CHRDL2: variants seen among roughly 807,000 people sequenced by gnomAD.
The protein encoded by CHRDL2 is chordin like 2.
In CHRDL2, 41 loss-of-function variants were observed where a neutral mutation model predicts 54.3. The ratio of observed to expected loss-of-function variants is 0.76; its 90% CI spans 0.59 to 0.98. The LOEUF is 0.98. Ranked by LOEUF, CHRDL2 falls within the 50% of genes least tolerant of loss-of-function variation. The pLI is 0.00. For synonymous variants in CHRDL2, 220 were observed against 224.3 expected (o/e 0.98, Z 0.17); for missense variants, 518 against 562.4 (o/e 0.92, Z 0.80).
chr11:74,700,347 T>G (rs2033758464), intron 9 of CHRDL2, among the ~76,000 whole-genome samples: 1 of 152,226 alleles, frequency 6.6e-6, no homozygotes, highest in African/African-American at 2.4e-5. Flanking sequence ...GTACCCTTTT[T>G]GCCTCTTTAT....
intron 1 of CHRDL2, among the ~76,000 whole-genome samples, chr11:74,722,969 T>TG (rs757750311): frequency 5.9e-5 from 9 of 152,074 alleles, no homozygotes; most frequent in Non-Finnish European, 1.2e-4. Context: ...AGCTTTAAAC[T>TG]GGGGAGTTCC....
chr11:74,722,501 T>C (rs1012402745), intron 1 of CHRDL2, among the ~76,000 whole-genome samples: 2 of 152,152 alleles, frequency 1.3e-5, no homozygotes, highest in African/African-American at 2.4e-5. Context: ...AGATAATATA[T>C]GTAATATGCC....
rs578128207 is a variant in CHRDL2, at chr11:74,730,755, A to G, written c.82+52T>C. 5.7e-5 allele frequency: 87 copies of G among 1,520,790 alleles called. No homozygotes were observed. In the South Asian group the frequency reaches 1.0e-3, roughly 17 times the overall value. The allele number at this position is 1,520,790 out of a possible 1,614,324, so 94.2% of individuals were successfully genotyped here. A position where few individuals can be genotyped will look rare whatever the true frequency, so the allele number is the denominator to read the frequency against. Reference sequence around the variant, plus strand: ...TCCAGGTCCTGGCGCTGTCCCTCACATTCCAGGGGCCGCATCCCTCCTCTG... The same window carrying G: ...TCCAGGTCCTGGCGCTGTCCCTCACGTTCCAGGGGCCGCATCCCTCCTCTG... On this transcript the variant is annotated intron_variant, in intron 1 of 10. Transcript: ENST00000376332.
intron 1 of CHRDL2, among the ~76,000 whole-genome samples, chr11:74,729,304 G>C (rs2034617296): frequency 6.6e-6 from 1 of 152,240 alleles, no homozygotes; most frequent in African/African-American, 2.4e-5. Flanking sequence ...AAGCGGAAGA[G>C]ACATTTATTA....
In CHRDL2 at chr11:74,718,847, A is replaced by T. The variant is rs927076168; in HGVS notation, c.83-15T>A. 4.5e-6 allele frequency: 7 copies of T among 1,546,092 alleles called. No individual in the cohort carries two copies. Among genetic ancestry groups the T allele is most frequent in the Non-Finnish European group, 6.2e-6 (7 of 1,124,730 alleles). On this transcript the variant is annotated splice_polypyrimidine_tract_variant and intron_variant, in intron 1 of 10. Coordinates refer to ENST00000376332, the MANE Select transcript of CHRDL2 (RefSeq NM_001278473.3). ...CATGTCTGGGCCTGGCAAACCGACC[A>T]GTGCCATGTTAGTCCCAGGAGGCTC...
At chr11:74,712,236 G>A (rs2034214889) in intron 3 of CHRDL2, among the ~76,000 whole-genome samples, 1 of 152,168 alleles carries the variant, frequency 6.6e-6, no homozygotes, top group Non-Finnish European at 1.5e-5. Flanking sequence ...TGTGACAGCA[G>A]AGAGGAGGAG....
intron 5 of CHRDL2, among the ~76,000 whole-genome samples, chr11:74,707,830 G>A (rs1472229030): frequency 6.6e-6 from 1 of 151,822 alleles, no homozygotes; most frequent in Non-Finnish European, 1.5e-5. Context: ...CTGCTCCCAG[G>A]GCTACTTAGC....
At chr11:74,698,184 C>G (rs2033667610) in intron 9 of CHRDL2, 1 of 151,868 alleles carries the variant, frequency 6.6e-6, no homozygotes, top group Non-Finnish European at 1.5e-5. Context: ...CTGCCTCAGC[C>G]TCCTGAGTAG....
At chr11:74,704,836 G>T in intron 6 of CHRDL2, 182 bp from the exon 7 acceptor site, 1 of 629,604 alleles carries the variant, frequency 1.6e-6, no homozygotes. Flanking sequence ...TTTTCAGACA[G>T]TTCGATCTTT....
At position 74,706,603 on chromosome 11, in the gene CHRDL2, C is replaced by CA. The variant is rs987996549; in HGVS notation, c.527-62_527-61insT. The CA allele has an allele frequency of 6.3e-5, 96 of 1,514,718 alleles. No individual in the cohort carries two copies. In the Admixed American group the frequency reaches 1.2e-3, roughly 20 times the overall value. The allele number at this position is 1,514,718 out of a possible 1,614,324, so 93.8% of individuals were successfully genotyped here. A position where few individuals can be genotyped will look rare whatever the true frequency, so the allele number is the denominator to read the frequency against. On this transcript the variant is annotated intron_variant, in intron 5 of 10. Transcript: ENST00000376332. ...CTCCCCAGCCTTGCTGGCTAGAGCC[C>CA]TGAGGCCTCCACCTATAGGCTCTGT... is the stretch of plus-strand genomic sequence containing the variant.
At chr11:74,696,948 G>C (rs1350433684) in intron 10 of CHRDL2, among the ~76,000 whole-genome samples, 1 of 152,164 alleles carries the variant, frequency 6.6e-6, no homozygotes, top group Admixed American at 6.5e-5. Flanking sequence ...AGGTTTGGGG[G>C]CTCAGACCTC....
chr11:74,698,785 G>C (rs1003530505), intron 9 of CHRDL2: 5 of 152,248 alleles, frequency 3.3e-5, no homozygotes, highest in Admixed American at 6.6e-5. Flanking sequence ...ATCCCCTGAT[G>C]TTTGCATCTC....
chr11:74,719,087 G>C, intron 1 of CHRDL2: 1 of 445,782 alleles, frequency 2.2e-6, no homozygotes, highest in Non-Finnish European at 4.0e-6. Context: ...ATCTCACAGG[G>C]CAGTTAGGGA....
At chr11:74,728,098 G>A (rs2034598640) in intron 1 of CHRDL2, among the ~76,000 whole-genome samples, 1 of 152,170 alleles carries the variant, frequency 6.6e-6, no homozygotes, top group Admixed American at 6.5e-5. Context: ...AACTTAGTCT[G>A]TATTGGGATT....
At chr11:74,716,285 C>T (rs1192611306) in intron 2 of CHRDL2, among the ~76,000 whole-genome samples, 1 of 151,978 alleles carries the variant, frequency 6.6e-6, no homozygotes, top group Admixed American at 6.5e-5. Flanking sequence ...GCCTGTAATC[C>T]CAGCACTTTG....
Position 74,704,489 on chromosome 11 carries a change from T to C in CHRDL2, c.748A>G (p.Lys250Glu). Residue 250 changes from lysine (K) to glutamate (E), a missense_variant, in exon 7 of 11, where the codon AAA (lysine) becomes GAA (glutamate). Physicochemically the swap from Lys to Glu is moderately conservative, Grantham distance 56 (BLOSUM62 1). Transcript: ENST00000376332. ...VKIVLKEKHK[K>E]ACVHGGKTYS... ...TGGAGGAGGGTCCAGTCCCCACCTT[T>C]CTTATGTTTCTCCTTCAGGACGATC... 6.3e-7 allele frequency: 1 copy of C among 1,584,126 alleles called. No individual in the cohort carries two copies. The highest frequency in any genetic ancestry group is 8.5e-7 in the Non-Finnish European group (1 of 1,169,662).
At chr11:74,714,038 T>C (rs1345075969) in intron 2 of CHRDL2, among the ~76,000 whole-genome samples, 1 of 152,110 alleles carries the variant, frequency 6.6e-6, no homozygotes, top group Non-Finnish European at 1.5e-5. Flanking sequence ...TTCTCTTTTT[T>C]AAGCATAGCA....
chr11:74,712,965 C>T (rs909597065), intron 3 of CHRDL2, among the ~76,000 whole-genome samples: 4 of 152,198 alleles, frequency 2.6e-5, no homozygotes, highest in African/African-American at 7.2e-5. Flanking sequence ...GGGCCTGACT[C>T]CTTTAGTCCT....
chr11:74,716,563 AG>A (rs2034361004), intron 2 of CHRDL2, among the ~76,000 whole-genome samples: 1 of 151,248 alleles, frequency 6.6e-6, no homozygotes. Context: ...AAAAAAAGAA[AG>A]AAAAGAAAAG....
Sources: gnomAD v4.1 joint callset for allele counts (sites outside exome capture counted in the v4.1 genomes callset) on GRCh38, gnomAD v4.1.1 for gene constraint, MANE v1.5 for transcripts, NCBI Gene and HGNC (gene_info 2026-07-23, HGNC 2026-07-21) for gene names.